The following USH2A variants were observed in gnomAD, a reference collection of about 807,000 sequenced individuals.
The protein encoded by USH2A is Usher syndrome 2A (autosomal recessive, mild).
Under a neutral mutation model 538.9 loss-of-function variants are expected in USH2A, and 443 were observed. The ratio of observed to expected loss-of-function variants is 0.82; its 90% CI spans 0.76 to 0.89. The LOEUF is 0.89. Among genes scored for constraint, USH2A ranks in the 40% least tolerant of loss-of-function variants. The pLI is 0.00. For synonymous variants in USH2A, 2,413 were observed against 2,273.5 expected, an observed-to-expected ratio of 1.06 and a Z score of -1.75; for missense variants, 6,633 against 6,324.8, an observed-to-expected ratio of 1.05 and a Z score of -1.65.
At chr1:215,722,004 G>A (rs1254718874) in intron 61 of USH2A, among the ~76,000 whole-genome samples, 1 of 151,328 alleles carries the variant, frequency 6.6e-6, no homozygotes, top group Non-Finnish European at 1.5e-5. Context: ...CATCAAGGCT[G>A]CAGTGAGCTA....
intron 15 of USH2A, among the ~76,000 whole-genome samples, chr1:216,215,345 T>G (rs2035322795): frequency 6.6e-6 from 1 of 152,158 alleles, no homozygotes; most frequent in African/African-American, 2.4e-5. Flanking sequence ...GGTAGTTCAC[T>G]GTGTCAGCAA....
chr1:215,878,694 C>G, intron 42 of USH2A, 70 bp downstream of exon 42: 1 of 1,502,840 alleles, frequency 6.7e-7, no homozygotes, highest in Non-Finnish European at 9.1e-7. Flanking sequence ...ATAAAAGCCT[C>G]CTTCATTTCC....
intron 47 of USH2A, among the ~76,000 whole-genome samples, chr1:215,834,681 T>C (rs1369878698): frequency 6.6e-6 from 1 of 152,164 alleles, no homozygotes; most frequent in African/African-American, 2.4e-5. Flanking sequence ...TATCCCTTTA[T>C]ATGTAATCAC....
intron 20 of USH2A, among the ~76,000 whole-genome samples, chr1:216,185,502 G>A (rs924282918): frequency 2.0e-5 from 3 of 151,766 alleles, no homozygotes; most frequent in Non-Finnish European, 4.4e-5. Flanking sequence ...CTAATTTGTG[G>A]TGCTCTTTTT....
intron 30 of USH2A, among the ~76,000 whole-genome samples, chr1:216,061,083 C>A (rs2031164255): frequency 6.6e-6 from 1 of 152,164 alleles, no homozygotes; most frequent in Non-Finnish European, 1.5e-5. Flanking sequence ...TGGGAGGGCA[C>A]AGAATCTAGA....
chr1:216,166,026 G>A (rs148294637), intron 21 of USH2A, among the ~76,000 whole-genome samples: 1 of 152,032 alleles, frequency 6.6e-6, no homozygotes, highest in Non-Finnish European at 1.5e-5. Flanking sequence ...CGTCCTCATA[G>A]CTTAGCTCCC....
At chr1:215,988,319 A>G (rs779813130) in intron 35 of USH2A, among the ~76,000 whole-genome samples, 1 of 152,164 alleles carries the variant, frequency 6.6e-6, no homozygotes, top group African/African-American at 2.4e-5. Context: ...TTCATTTACC[A>G]TAATCTCCTC....
chr1:215,772,195 T>C (rs1661311359), intron 55 of USH2A, among the ~76,000 whole-genome samples: 7 of 152,142 alleles, frequency 4.6e-5, no homozygotes, highest in Admixed American at 4.6e-4. Flanking sequence ...GGCACACCAA[T>C]TGAAAACTAC....
intron 66 of USH2A, 112 bp downstream of exon 66, chr1:215,648,416 G>T: frequency 8.9e-7 from 1 of 1,119,924 alleles, no homozygotes; most frequent in Non-Finnish European, 1.4e-6. Flanking sequence ...CCTGGGGAGT[G>T]CCAGGTAGCT....
chr1:215,952,287 A>T (rs1441449568), intron 37 of USH2A, among the ~76,000 whole-genome samples: 1 of 152,138 alleles, frequency 6.6e-6, no homozygotes, highest in Non-Finnish European at 1.5e-5. Flanking sequence ...TGCACGTGAG[A>T]TGGGTTTCCT....
At chr1:215,763,511 T>C (rs950080839) in intron 56 of USH2A, among the ~76,000 whole-genome samples, 2 of 152,084 alleles carry the variant, frequency 1.3e-5, no homozygotes, top group Non-Finnish European at 2.9e-5. Context: ...TGGGCAAGGA[T>C]GGCAGGACTG....
At chr1:216,394,596 C>T (rs2039172292) in intron 3 of USH2A, among the ~76,000 whole-genome samples, 2 of 152,142 alleles carry the variant, frequency 1.3e-5, no homozygotes, top group South Asian at 4.2e-4. Flanking sequence ...TTTATTTGCC[C>T]TTTCAAAATC....
intron 37 of USH2A, among the ~76,000 whole-genome samples, chr1:215,957,925 G>A (rs1667108399): frequency 6.6e-6 from 1 of 152,098 alleles, no homozygotes. Context: ...TTTCCCAGAG[G>A]GCAGCGTGTC....
intron 21 of USH2A, among the ~76,000 whole-genome samples, chr1:216,156,943 G>A (rs1342741529): frequency 8.6e-5 from 13 of 150,398 alleles, no homozygotes; most frequent in East Asian, 5.9e-4. Flanking sequence ...GTGCCATCTT[G>A]GCTCACTGCA....
In USH2A at chr1:215,965,370, T is replaced by C. The variant is rs756203141; in HGVS notation, c.7067A>G (p.Asn2356Ser). 8 of 1,613,784 alleles carry C rather than the reference T, an allele frequency of 5.0e-6. No homozygotes were observed. Among genetic ancestry groups the C allele is most frequent in the Admixed American group, 1.7e-5 (1 of 59,966 alleles). Residue 2356 changes from asparagine (N) to serine (S), a missense_variant, in exon 37 of 72, where the codon AAT becomes AGT. Coordinates refer to ENST00000307340, the MANE Select transcript of USH2A (RefSeq NM_206933.4). ...HVRWEAPFRP[N>S]GLLTHSVLFT... ...AAGGACTGAGTGTGTTAAGAGTCCA[T>C]TAGGGCGAAAAGGTGCTTCCCACCT...
At chr1:215,809,381 T>C (rs1662595379) in intron 49 of USH2A, among the ~76,000 whole-genome samples, 1 of 152,154 alleles carries the variant, frequency 6.6e-6, no homozygotes, top group Non-Finnish European at 1.5e-5. Context: ...TAAATGTTAA[T>C]TGGTTTAGAT....
chr1:216,172,133 C>T (rs1198151929), intron 21 of USH2A, among the ~76,000 whole-genome samples: 1 of 151,912 alleles, frequency 6.6e-6, no homozygotes, highest in African/African-American at 2.4e-5. Context: ...TATTCTCTTT[C>T]TATTGTGTAA....
At chr1:216,037,965 T>A (rs1337255862) in intron 32 of USH2A, among the ~76,000 whole-genome samples, 1 of 152,064 alleles carries the variant, frequency 6.6e-6, no homozygotes, top group East Asian at 1.9e-4. Flanking sequence ...TATGTTAGCT[T>A]GCTAAGTTTA....
intron 4 of USH2A, among the ~76,000 whole-genome samples, chr1:216,353,558 G>C (rs767365257): frequency 6.6e-6 from 1 of 152,070 alleles, no homozygotes; most frequent in East Asian, 1.9e-4. Context: ...TAATTAAAAC[G>C]TCGATGCCTG....
Sources: gnomAD v4.1 joint callset for allele counts (sites outside exome capture counted in the v4.1 genomes callset) on GRCh38, gnomAD v4.1.1 for gene constraint, MANE v1.5 for transcripts, NCBI Gene and HGNC (gene_info 2026-07-23, HGNC 2026-07-21) for gene names.